The following DNAH7 variants were observed in gnomAD, a reference collection of about 807,000 sequenced individuals.
DNAH7 encodes the protein dynein axonemal heavy chain 7.
A neutral mutation model predicts 444.6 loss-of-function variants in DNAH7; 397 were observed. That is an observed-to-expected ratio of 0.89 (90% CI 0.82 to 0.97). The LOEUF (loss-of-function observed/expected upper bound fraction) is 0.97, where lower values mean the gene tolerates loss of function less well. Among genes scored for constraint, DNAH7 ranks in the 50% least tolerant of loss-of-function variants. DNAH7 has a pLI of 0.00. For synonymous variants in DNAH7, 1,636 were observed against 1,624.4 expected, an observed-to-expected ratio of 1.01 and a Z score of -0.17; for missense variants, 4,902 against 4,800.8, an observed-to-expected ratio of 1.02 and a Z score of -0.62.
intron 27 of DNAH7, 184 bp from the exon 28 acceptor site, chr2:195,900,678 G>A: frequency 7.5e-6 from 4 of 534,414 alleles, no homozygotes; most frequent in South Asian, 2.7e-5. Flanking sequence ...GGGAGAGGCT[G>A]GTTAACAAAT....
At chr2:195,949,637 A>G (rs1279529209) in intron 19 of DNAH7, among the ~76,000 whole-genome samples, 1 of 152,020 alleles carries the variant, frequency 6.6e-6, no homozygotes. Context: ...TTCCAATACT[A>G]TGTTGAATAG....
At chr2:196,011,713 A>G (rs1385395967) in intron 10 of DNAH7, among the ~76,000 whole-genome samples, 6 of 152,188 alleles carry the variant, frequency 3.9e-5, no homozygotes, top group Non-Finnish European at 7.4e-5. Flanking sequence ...CCTGAGAATC[A>G]ATCAGGAAGC....
intron 42 of DNAH7, among the ~76,000 whole-genome samples, chr2:195,859,371 TAAC>T (rs1699893727): frequency 6.6e-6 from 1 of 152,266 alleles, no homozygotes; most frequent in East Asian, 1.9e-4. Flanking sequence ...TATAAAGTAA[TAAC>T]AAATGATTAG....
intron 60 of DNAH7, among the ~76,000 whole-genome samples, chr2:195,772,374 G>A (rs977326145): frequency 1.3e-5 from 2 of 152,172 alleles, no homozygotes; most frequent in Non-Finnish European, 2.9e-5. Context: ...TGAACCAGGA[G>A]AGAAAGAAAA....
intron 19 of DNAH7, among the ~76,000 whole-genome samples, chr2:195,941,443 C>A (rs1689433161): frequency 2.3e-5 from 3 of 130,682 alleles, no homozygotes. Flanking sequence ...AACCTAGAAC[C>A]TAGATGACAA....
chr2:195,740,599 GTGTGTGTGTGTGTGTGTATATATATA>G (rs1216814466), intron 64 of DNAH7, among the ~76,000 whole-genome samples, 141 bp downstream of exon 64: 3 of 34,868 alleles, frequency 8.6e-5, no homozygotes, highest in African/African-American at 2.1e-4. Context: ...GTGTGTGTGT[GTGTGTGTGTGTGTGTGTATATATATA>G]TATATATATA....
At position 195,969,964 on chromosome 2, in the gene DNAH7, T is replaced by A; in HGVS notation, c.2189A>T (p.Asp730Val). The change falls in exon 17 of 65, where the codon GAT (aspartate) becomes GTT (valine). Residue 730 changes from aspartate to valine, a missense_variant. Transcript: ENST00000312428. ...GAATTATACCTTATCTGCAGCTAAATCCAACTTTCCATTCAGTATTTGAGC... is the reference window on the plus strand; with the variant it reads ...GAATTATACCTTATCTGCAGCTAAAACCAACTTTCCATTCAGTATTTGAGC... ...KKAQILNGKL[D>V]LAADKIEQFN... is the part of the protein sequence containing the mutation. The A allele has an allele frequency of 2.5e-6, 4 of 1,606,278 alleles. No homozygotes were observed. Among genetic ancestry groups the A allele is most frequent in the Non-Finnish European group, 3.4e-6 (4 of 1,178,130 alleles).
At chr2:195,899,226 TGC>T (rs1686542089) in intron 28 of DNAH7, among the ~76,000 whole-genome samples, 14 of 152,230 alleles carry the variant, frequency 9.2e-5, no homozygotes, top group Non-Finnish European at 1.0e-4. Context: ...TTAAAGCAAA[TGC>T]TTAAATTGTT....
In DNAH7 at chr2:195,966,031, A is replaced by C. The variant is rs187956121; in HGVS notation, c.2205+3917T>G. Among the ~76,000 whole-genome samples, 285 of 151,524 alleles carry C rather than the reference A, an allele frequency of 1.9e-3. 4 individuals carry two copies. Among genetic ancestry groups the C allele is most frequent in the African/African-American group, 6.8e-3 (280 of 41,296 alleles). On this transcript the variant is annotated intron_variant, in intron 17 of 64. Transcript: ENST00000312428. ...TTACTCTTGCTTTTCTAGTTCCTTAAGGTGCATAATTAGATTTTTTTGTTT... is the reference window on the plus strand; with the variant it reads ...TTACTCTTGCTTTTCTAGTTCCTTACGGTGCATAATTAGATTTTTTTGTTT...
intron 34 of DNAH7, among the ~76,000 whole-genome samples, chr2:195,885,721 T>C (rs1357892776): frequency 6.6e-6 from 1 of 151,956 alleles, no homozygotes; most frequent in Non-Finnish European, 1.5e-5. Flanking sequence ...TATCTATTTA[T>C]ACACACACAC....
chr2:195,923,996 G>A (rs1016181350), intron 22 of DNAH7, among the ~76,000 whole-genome samples, 189 bp from the exon 23 acceptor site: 1 of 151,954 alleles, frequency 6.6e-6, no homozygotes, highest in Non-Finnish European at 1.5e-5. Flanking sequence ...ATCAGGCCAC[G>A]TATAATGGAT....
chr2:195,821,769 G>C (rs1697484026), intron 49 of DNAH7, among the ~76,000 whole-genome samples: 2 of 152,158 alleles, frequency 1.3e-5, no homozygotes, highest in South Asian at 4.1e-4. Flanking sequence ...AGTTGCTTTA[G>C]CCTCCACATC....
intron 48 of DNAH7, among the ~76,000 whole-genome samples, chr2:195,827,130 CA>C (rs892581691): frequency 2.0e-5 from 3 of 152,134 alleles, no homozygotes; most frequent in African/African-American, 7.2e-5. Flanking sequence ...CCATGTAACA[CA>C]GGGGTGCTGA....
At chr2:195,883,202 C>T (rs182008110) in intron 35 of DNAH7, among the ~76,000 whole-genome samples, 1 of 152,278 alleles carries the variant, frequency 6.6e-6, no homozygotes, top group African/African-American at 2.4e-5. Flanking sequence ...AATCCCAGCA[C>T]TTTGGGAGGC....
chr2:195,821,160 T>TAA (rs35044943), intron 49 of DNAH7, among the ~76,000 whole-genome samples: 198 of 141,296 alleles, frequency 1.4e-3, no homozygotes, highest in African/African-American at 4.7e-3. Context: ...GTGGGAAGGT[T>TAA]AAAAAAAAAA....
At chr2:195,917,091 G>GC (rs1189154825) in intron 24 of DNAH7, among the ~76,000 whole-genome samples, 2 of 113,292 alleles carry the variant, frequency 1.8e-5, no homozygotes, top group African/African-American at 3.7e-5. Flanking sequence ...AACAGAGTGA[G>GC]ACTCCACCTC....
intron 24 of DNAH7, among the ~76,000 whole-genome samples, chr2:195,911,446 T>C (rs956839200): frequency 2.0e-5 from 3 of 151,494 alleles, no homozygotes; most frequent in Non-Finnish European, 4.4e-5. Flanking sequence ...AGGAAGAAAA[T>C]GGGGAAGAAG....
intron 48 of DNAH7, among the ~76,000 whole-genome samples, chr2:195,828,756 T>C (rs1371092765): frequency 6.6e-6 from 1 of 151,992 alleles, no homozygotes; most frequent in Non-Finnish European, 1.5e-5. Context: ...AGTGAGACTC[T>C]GACCTAAAAT....
Position 195,867,587 on chromosome 2 carries a change from T to C in DNAH7, c.6634-2566A>G, listed in dbSNP as rs187983042. Among the ~76,000 whole-genome samples the C allele has an allele frequency of 6.9e-4, 105 of 152,276 alleles. 1 individual carries two copies. The South Asian group carries it at 0.011, about 16-fold the overall frequency. On this transcript the variant is annotated intron_variant, in intron 40 of 64. Coordinates refer to ENST00000312428, the MANE Select transcript of DNAH7 (RefSeq NM_018897.3). ...AAACCTGGTACCCAATAGAAGCTAC[T>C]TCTCATTACCACCAGCCCTGGCCAA...
Sources: allele counts gnomAD v4.1 joint callset (sites outside exome capture counted in the v4.1 genomes callset), GRCh38; gene constraint gnomAD v4.1.1; transcripts MANE v1.5; gene names NCBI Gene and HGNC (gene_info 2026-07-23, HGNC 2026-07-21).